The following NLRP9 variants were observed in gnomAD, a reference collection of about 807,000 sequenced individuals.
NLRP9 encodes the protein NLR family pyrin domain containing 9.
A neutral mutation model predicts 83.1 loss-of-function variants in NLRP9; 88 were observed. The observed-to-expected ratio is 1.06, with a 90% CI of 0.89 to 1.26. The LOEUF is 1.26. Among genes scored for constraint, NLRP9 ranks in the 50% most tolerant of loss-of-function variants. The pLI, the probability that NLRP9 is intolerant of heterozygous loss-of-function variation, is 0.00. For synonymous variants in NLRP9, 521 were observed against 447.6 expected (o/e 1.16, Z -2.07); for missense variants, 1,308 against 1,179.3 (o/e 1.11, Z -1.60).
chr19:55,736,571 C>T (rs755111545), intron 1 of NLRP9, among the ~76,000 whole-genome samples: 22 of 152,070 alleles, frequency 1.4e-4, no homozygotes, highest in Admixed American at 2.6e-4. Flanking sequence ...AACTGGCACA[C>T]ACCTGTAATC....
Position 55,716,858 on chromosome 19 carries a change from T to C in NLRP9, c.2200A>G (p.Ile734Val). 3 of 1,613,914 alleles carry C rather than the reference T, an allele frequency of 1.9e-6. No individual in the cohort carries two copies. Among genetic ancestry groups the C allele is most frequent in the South Asian group, 1.1e-5 (1 of 91,084 alleles). The part of the protein sequence containing the change: ...CDISSEVCED[I>V]ASVLACNSKL... ...CTGTTGCAGGCCAGGACGGAGGCGA[T>C]GTCTTCACAAACTTCACTGGAGATG... The change falls in exon 5 of 9, where the codon ATC (isoleucine) becomes GTC (valine). Residue 734 changes from isoleucine to valine, a missense_variant. Coordinates refer to ENST00000332836, the MANE Select transcript of NLRP9 (RefSeq NM_176820.4).
At chr19:55,711,697 C>T in intron 8 of NLRP9, 103 bp downstream of exon 8, 1 of 1,199,538 alleles carries the variant, frequency 8.3e-7, no homozygotes, top group Non-Finnish European at 1.2e-6. Context: ...CCACCACAAA[C>T]AACCCTCCAG....
At chr19:55,715,690 AAAG>A (rs1306540107) in intron 5 of NLRP9, among the ~76,000 whole-genome samples, 4 of 152,192 alleles carry the variant, frequency 2.6e-5, no homozygotes, top group African/African-American at 9.7e-5. Context: ...GTCTCAAAAA[AAAG>A]AAAAGGGGAT....
At chr19:55,731,883 G>A (rs1030488590) in intron 2 of NLRP9, 116 bp downstream of exon 2, 5 of 642,226 alleles carry the variant, frequency 7.8e-6, no homozygotes, top group South Asian at 7.1e-5. Context: ...AAGGCTTTCT[G>A]ACTCCGACCT....
At chr19:55,711,370 C>G (rs777113906) in intron 8 of NLRP9, 28 of 1,221,884 alleles carry the variant, frequency 2.3e-5, no homozygotes, top group Non-Finnish European at 2.9e-5. Context: ...TTCAGAACAA[C>G]GTTAACTGCT....
At position 55,716,811 on chromosome 19, in the gene NLRP9, C is replaced by T. The variant is rs1470836505; in HGVS notation, c.2247G>A (p.Leu749=). The T allele has an allele frequency of 6.2e-7, 1 of 1,613,812 alleles. No individual in the cohort carries two copies. Among genetic ancestry groups the T allele is most frequent in the Non-Finnish European group, 8.5e-7 (1 of 1,179,878 alleles). ...CTTCGTCCCTCAAGGGATTTTCTAC[C>T]AAGGAGAGGTGTTTCAGCTTGCTGT... ...ACNSKLKHLS[L]VENPLRDEGM... is the part of the protein sequence containing the mutation. Residue 749 remains leucine, a synonymous_variant, in exon 5 of 9, where the codon TTG becomes TTA. Coordinates refer to ENST00000332836, the MANE Select transcript of NLRP9 (RefSeq NM_176820.4).
intron 8 of NLRP9, 84 bp downstream of exon 8, chr19:55,711,716 C>G: frequency 8.9e-6 from 12 of 1,345,390 alleles, no homozygotes; most frequent in Non-Finnish European, 1.3e-5. Flanking sequence ...AGCCTGGCAT[C>G]CATCATGTCG....
At chr19:55,714,429 C>T (rs1987928214) in intron 6 of NLRP9, among the ~76,000 whole-genome samples, 1 of 152,110 alleles carries the variant, frequency 6.6e-6, no homozygotes, top group South Asian at 2.1e-4. Context: ...AGAGGTGAGT[C>T]ACCTGCACAA....
chr19:55,712,056 TCC>T (rs1408277036), intron 7 of NLRP9, 86 bp from the exon 8 acceptor site: 5 of 1,332,444 alleles, frequency 3.8e-6, no homozygotes, highest in Non-Finnish European at 5.3e-6. Flanking sequence ...ATTACACACC[TCC>T]CGGCAGGACG....
chr19:55,708,956 GT>G lies in NLRP9; in HGVS notation c.2931del (p.Pro978LeufsTer42). ...ATCTTGTATTCCTCGTCAATCCAAG[GT>G]CCATGTGAAATGGTCAGATGGGGAA... ...EKIPHLTISH[G>X]PWIDEEYKIR... On this transcript the variant is annotated frameshift_variant, in exon 9 of 9. Coordinates refer to ENST00000332836, the MANE Select transcript of NLRP9 (RefSeq NM_176820.4). LOFTEE classifies it low-confidence loss of function (END_TRUNC). 1 of 1,586,160 alleles carries G rather than the reference GT, an allele frequency of 6.3e-7. No homozygotes were observed.
intron 4 of NLRP9, among the ~76,000 whole-genome samples, chr19:55,720,380 T>A (rs1988187189): frequency 6.6e-6 from 1 of 152,176 alleles, no homozygotes; most frequent in Admixed American, 6.5e-5. Flanking sequence ...TACAGTGCAG[T>A]GACGTGATGA....
chr19:55,714,857 C>G (rs1987944559), intron 6 of NLRP9, among the ~76,000 whole-genome samples, 198 bp downstream of exon 6: 1 of 152,098 alleles, frequency 6.6e-6, no homozygotes, highest in Non-Finnish European at 1.5e-5. Context: ...GTGTGGGAGA[C>G]TCCACCCTCA....
In NLRP9 at chr19:55,732,762, G is replaced by A. The variant is rs751730503; in HGVS notation, c.1069C>T (p.Leu357Phe). 9 of 1,613,974 alleles carry A rather than the reference G, an allele frequency of 5.6e-6. No individual in the cohort carries two copies. The highest frequency in any genetic ancestry group is 7.6e-6 in the Non-Finnish European group (9 of 1,180,018). Residue 357 changes from leucine to phenylalanine, a missense_variant, in exon 2 of 9, where the codon CTT becomes TTT. Physicochemically the swap from Leu to Phe is conservative, Grantham distance 22. Transcript: ENST00000332836. ...VKQRLERGED[L>F]EINSQNTTYL... ...GTGGTGTTTTGGGAGTTTATTTCAA[G>A]GTCTTCTCCCCTCTCTAGCCTCTGT... is the stretch of plus-strand genomic sequence containing the variant.
chr19:55,713,391 CAT>C (rs546587516), intron 6 of NLRP9, among the ~76,000 whole-genome samples: 1 of 151,732 alleles, frequency 6.6e-6, no homozygotes, highest in South Asian at 2.1e-4. Flanking sequence ...ACATGATACA[CAT>C]AGATGTGTGG....
chr19:55,712,784 G>A (rs1410349628), intron 6 of NLRP9, among the ~76,000 whole-genome samples, 194 bp from the exon 7 acceptor site: 2 of 83,182 alleles, frequency 2.4e-5, no homozygotes, highest in Admixed American at 2.8e-4. Context: ...GGAGAATGAG[G>A]GAGGAGGGAA....
chr19:55,721,980 AG>A (rs1469183295), intron 4 of NLRP9, among the ~76,000 whole-genome samples: 1 of 152,188 alleles, frequency 6.6e-6, no homozygotes, highest in Non-Finnish European at 1.5e-5. Flanking sequence ...GTCTATCAGC[AG>A]TGTGAAAACG....
At position 55,738,369 on chromosome 19, in the gene NLRP9, T is replaced by G. The variant is rs757491957; in HGVS notation, c.6A>C (p.Ala2=). M[A]ESFFSDFGLL... is the part of the protein sequence containing the mutation. ...AGCCAAAATCCGAAAAAAAAGATTC[T>G]GCCATATCGCCCCAGGATTGTGAAC... Residue 2 remains alanine (A), a synonymous_variant, in exon 1 of 9, where the codon GCA becomes GCC. Transcript: ENST00000332836. The G allele has an allele frequency of 6.8e-6, 11 of 1,612,756 alleles. No homozygotes were observed. The highest frequency in any genetic ancestry group is 9.3e-6 in the Non-Finnish European group (11 of 1,179,756).
intron 4 of NLRP9, 135 bp from the exon 5 acceptor site, chr19:55,717,033 CTTTT>C (rs397968319): frequency 2.0e-3 from 731 of 364,756 alleles, no homozygotes; most frequent in East Asian, 2.6e-3. Context: ...GACTCTTTTT[CTTTT>C]TTTTTTTTTT....
Position 55,733,351 on chromosome 19 carries a change from G to T in NLRP9, c.480C>A (p.Thr160=), listed in dbSNP as rs1276029452. Residue 160 remains threonine (T), a synonymous_variant, in exon 2 of 9, where the codon ACC becomes ACA. Transcript: ENST00000332836. ...LEGPDGIGKT[T]LLRKVMLDWA... The stretch of plus-strand genomic sequence containing the variant: ...AGTCCAACATCACTTTTCTTAAAAG[G>T]GTTGTTTTTCCAATTCCATCAGGAC... 1.2e-6 allele frequency: 2 copies of T among 1,613,926 alleles called. No individual in the cohort carries two copies. Among genetic ancestry groups the T allele is most frequent in the Admixed American group, 1.7e-5 (1 of 59,982 alleles).
Sources: gnomAD v4.1 joint callset for allele counts (sites outside exome capture counted in the v4.1 genomes callset) on GRCh38, gnomAD v4.1.1 for gene constraint, MANE v1.5 for transcripts, NCBI Gene and HGNC (gene_info 2026-07-23, HGNC 2026-07-21) for gene names.